Variants in LIPI observed in about 807,000 individuals in gnomAD.
The protein encoded by LIPI is lipase member I.
Under a neutral mutation model 50.6 loss-of-function variants are expected in LIPI, and 59 were observed. That is an observed-to-expected ratio of 1.16 (90% CI 0.94 to 1.45). LIPI has a LOEUF of 1.45. Among genes scored for constraint, LIPI ranks in the 40% most tolerant of loss-of-function variants. The probability of loss-of-function intolerance (pLI) is 0.00; values close to 1 mark genes in which losing one functional copy is unlikely to be tolerated. For missense variants in LIPI, 586 were observed against 536.3 expected (o/e 1.09, Z -0.92); for synonymous variants, 203 against 178.2 (o/e 1.14, Z -1.11).
chr21:14,140,130 C>A (rs1360904327), intron 9 of LIPI, among the ~76,000 whole-genome samples: 1 of 151,836 alleles, frequency 6.6e-6, no homozygotes, highest in Non-Finnish European at 1.5e-5. Flanking sequence ...TTATAGGACA[C>A]AAAGCTAAAA....
At chr21:14,181,696 C>T (rs1373149033) in intron 4 of LIPI, 62 bp downstream of exon 4, 5 of 970,188 alleles carry the variant, frequency 5.2e-6, no homozygotes, top group Non-Finnish European at 8.3e-6. Context: ...CCTCCTCTTG[C>T]CCAAGGTCTA....
chr21:14,155,605 C>T (rs1600870734), intron 7 of LIPI, among the ~76,000 whole-genome samples: 2 of 152,096 alleles, frequency 1.3e-5, no homozygotes, highest in East Asian at 3.9e-4. Context: ...TACAGGAGAA[C>T]ACCAGTTTGA....
intron 1 of LIPI, chr21:14,206,907 A>G: frequency 2.5e-6 from 4 of 1,608,398 alleles, no homozygotes; most frequent in Non-Finnish European, 3.4e-6. Context: ...GTTATTATGT[A>G]AACATTTGAG....
chr21:14,208,979 A>G (rs2020296731), intron 1 of LIPI, among the ~76,000 whole-genome samples: 1 of 152,104 alleles, frequency 6.6e-6, no homozygotes, highest in Non-Finnish European at 1.5e-5. Flanking sequence ...TGAACCTAGG[A>G]GGTCGAGGCT....
At chr21:14,110,338 ATTTT>A (rs1305064274) in intron 9 of LIPI, among the ~76,000 whole-genome samples, 1 of 133,530 alleles carries the variant, frequency 7.5e-6, no homozygotes, top group Non-Finnish European at 1.6e-5. Context: ...ATTTGACTTC[ATTTT>A]TTTATTTATT....
chr21:14,165,477 G>T, intron 5 of LIPI, 87 bp from the exon 6 acceptor site: 1 of 945,478 alleles, frequency 1.1e-6, no homozygotes, highest in Non-Finnish European at 1.7e-6. Flanking sequence ...ATGAAGTTTT[G>T]CTAAATACTA....
chr21:14,126,979 A>G (rs1269656359), intron 9 of LIPI, among the ~76,000 whole-genome samples: 1 of 152,240 alleles, frequency 6.6e-6, no homozygotes, highest in Non-Finnish European at 1.5e-5. Context: ...CAACAAAAGA[A>G]TAAGTTTTAC....
At chr21:14,175,713 T>A (rs2019070713) in intron 4 of LIPI, among the ~76,000 whole-genome samples, 1 of 152,224 alleles carries the variant, frequency 6.6e-6, no homozygotes, top group African/African-American at 2.4e-5. Flanking sequence ...GTGTTTTATA[T>A]GAGTTCAAGG....
chr21:14,163,392 T>C (rs376327604), intron 7 of LIPI, 27 bp downstream of exon 7: 364 of 1,093,256 alleles, frequency 3.3e-4, no homozygotes, highest in Non-Finnish European at 6.6e-5. Flanking sequence ...AAAATTTGTT[T>C]ATTTGTTAAA....
chr21:14,151,048 G>A (rs180780974), intron 8 of LIPI, among the ~76,000 whole-genome samples: 1 of 152,150 alleles, frequency 6.6e-6, no homozygotes, highest in East Asian at 1.9e-4. Context: ...GTAACCCAGG[G>A]TACTATCTCA....
intron 3 of LIPI, 101 bp from the exon 4 acceptor site, chr21:14,181,960 T>A: frequency 1.4e-6 from 1 of 718,614 alleles, no homozygotes; most frequent in Non-Finnish European, 2.5e-6. Flanking sequence ...AAAGCATTTA[T>A]ACTTTTAGTT....
chr21:14,131,958 CAAG>C (rs2017312115), intron 9 of LIPI, among the ~76,000 whole-genome samples: 1 of 151,806 alleles, frequency 6.6e-6, no homozygotes, highest in Admixed American at 6.6e-5. Context: ...TAAATTAGAC[CAAG>C]AAGAAGAAAG....
intron 7 of LIPI, among the ~76,000 whole-genome samples, chr21:14,154,407 G>A (rs1030589117): frequency 1.3e-5 from 2 of 151,890 alleles, no homozygotes; most frequent in Non-Finnish European, 1.5e-5. Context: ...GACTGAGAAA[G>A]ACTACTATTG....
chr21:14,192,063 G>A (rs1285237949), intron 1 of LIPI, among the ~76,000 whole-genome samples: 2 of 152,096 alleles, frequency 1.3e-5, no homozygotes, highest in African/African-American at 2.4e-5. Context: ...TCCCACTGAG[G>A]GTTAAGAGTT....
intron 4 of LIPI, among the ~76,000 whole-genome samples, chr21:14,169,033 G>T (rs13051742): frequency 0.26 from 39,012 of 151,454 alleles, 5,286 homozygotes; most frequent in Middle Eastern, 0.34. Context: ...CCAAGCAAAT[G>T]GAAAACAAAA....
chr21:14,118,389 A>C (rs977226274), intron 9 of LIPI, among the ~76,000 whole-genome samples: 18 of 152,208 alleles, frequency 1.2e-4, no homozygotes, highest in African/African-American at 4.3e-4. Context: ...CACAGTTATC[A>C]CAGAAAAGAC....
chr21:14,177,518 T>G (rs1352079238), intron 4 of LIPI, among the ~76,000 whole-genome samples: 2 of 152,088 alleles, frequency 1.3e-5, no homozygotes, highest in Non-Finnish European at 2.9e-5. Context: ...TTTTCTTGCC[T>G]TCTTTTAGAC....
chr21:14,151,515 G>A (rs886725860), intron 8 of LIPI, among the ~76,000 whole-genome samples: 1 of 152,196 alleles, frequency 6.6e-6, no homozygotes. Flanking sequence ...AAATTGCTCT[G>A]TCTATCCACA....
At chr21:14,122,106 A>G (rs1354192602) in intron 9 of LIPI, among the ~76,000 whole-genome samples, 1 of 152,252 alleles carries the variant, frequency 6.6e-6, no homozygotes, top group East Asian at 1.9e-4. Flanking sequence ...ATGCCTGTGC[A>G]TAGTGTAAAC....
Sources: gnomAD v4.1 joint callset for allele counts (sites outside exome capture counted in the v4.1 genomes callset) on GRCh38, gnomAD v4.1.1 for gene constraint, MANE v1.5 for transcripts, NCBI Gene and HGNC (gene_info 2026-07-23, HGNC 2026-07-21) for gene names.